Variants in RPS6KA5 observed in about 807,000 individuals in gnomAD.
RPS6KA5 encodes the protein ribosomal protein S6 kinase alpha-5.
Under a neutral mutation model 85.5 loss-of-function variants are expected in RPS6KA5, and 27 were observed. The ratio of observed to expected loss-of-function variants is 0.32; its 90% CI spans 0.23 to 0.44. The LOEUF (loss-of-function observed/expected upper bound fraction) is 0.44. Ranked by LOEUF, RPS6KA5 falls within the 20% of genes least tolerant of loss-of-function variation. RPS6KA5 has a pLI of 1.00. For missense variants in RPS6KA5, 811 were observed against 980.9 expected (o/e 0.83, Z 2.31); for synonymous variants, 334 against 348.2 (o/e 0.96, Z 0.46).
rs373756382 is a variant in RPS6KA5 at position 91,029,581 on chromosome 14, T to C, written c.104-28422A>G. On this transcript the variant is annotated intron_variant, in intron 1 of 16. Transcript: ENST00000614987. ...CCATTTACTAGCTATAATGTATACA[T>C]TCTCAAGCAAGTTACTTAACCTCTG... is the stretch of plus-strand genomic sequence containing the variant. Among the ~76,000 whole-genome samples the C allele has an allele frequency of 1.6e-4, 25 of 152,344 alleles. 1 individual carries two copies. The South Asian group carries it at 5.0e-3, about 30-fold the overall frequency.
At chr14:90,921,310 C>G (rs572505870) in intron 6 of RPS6KA5, among the ~76,000 whole-genome samples, 123 of 152,194 alleles carry the variant, frequency 8.1e-4, no homozygotes, top group African/African-American at 2.8e-3. Context: ...TTCCTCATGC[C>G]AGGCACTATG....
At chr14:90,945,238 T>C (rs1291159314) in intron 4 of RPS6KA5, among the ~76,000 whole-genome samples, 2 of 152,008 alleles carry the variant, frequency 1.3e-5, no homozygotes, top group African/African-American at 4.8e-5. Flanking sequence ...GGCAACAGAG[T>C]AAGACCCTGT....
chr14:90,895,063 A>G (rs1405250290), intron 12 of RPS6KA5, among the ~76,000 whole-genome samples: 2 of 152,234 alleles, frequency 1.3e-5, no homozygotes, highest in East Asian at 3.8e-4. Context: ...TAATGTGACA[A>G]TAATGTGAAG....
At chr14:90,941,827 C>T (rs1198016336) in intron 5 of RPS6KA5, among the ~76,000 whole-genome samples, 1 of 152,194 alleles carries the variant, frequency 6.6e-6, no homozygotes. Context: ...GCATGTCTAT[C>T]TTATCCCTTT....
Position 90,870,239 on chromosome 14 carries a change from A to T in RPS6KA5, c.*1835T>A, listed in dbSNP as rs2033012277. The stretch of plus-strand genomic sequence containing the variant: ...AATTATAAATATGGTCATTTTCTTG[A>T]TTACTAGAGATCTGTGCCTGATGGA... On this transcript the variant is annotated 3_prime_UTR_variant, in exon 17 of 17. Transcript: ENST00000614987. 1 of 152,154 alleles carries T rather than the reference A, an allele frequency of 6.6e-6. No homozygotes were observed. The highest frequency in any genetic ancestry group is 1.5e-5 in the Non-Finnish European group (1 of 68,018). The allele number at this position is 152,154 out of a possible 1,614,324, so 9.4% of individuals were successfully genotyped here.
chr14:91,049,457 T>C (rs1321787211), intron 1 of RPS6KA5, among the ~76,000 whole-genome samples: 1 of 151,714 alleles, frequency 6.6e-6, no homozygotes, highest in Non-Finnish European at 1.5e-5. Flanking sequence ...TACTAAAAAA[T>C]ACAAAAAATT....
At chr14:90,976,202 G>GAAA (rs5810526) in intron 3 of RPS6KA5, among the ~76,000 whole-genome samples, 5 of 109,064 alleles carry the variant, frequency 4.6e-5, no homozygotes, top group African/African-American at 6.7e-5. Flanking sequence ...TAAGAGAACA[G>GAAA]AAAAAAAAAA....
chr14:90,937,498 A>G (rs1319041218), intron 5 of RPS6KA5, among the ~76,000 whole-genome samples: 2 of 152,178 alleles, frequency 1.3e-5, no homozygotes, highest in South Asian at 4.1e-4. Flanking sequence ...CAGTGACAGA[A>G]ATGGTCAAAG....
At chr14:90,883,395 G>A (rs950245661) in intron 14 of RPS6KA5, among the ~76,000 whole-genome samples, 8 of 151,694 alleles carry the variant, frequency 5.3e-5, no homozygotes, top group African/African-American at 1.9e-4. Flanking sequence ...TCCTTCTTCT[G>A]CCTGCCAAAT....
At chr14:91,050,640 G>C (rs938322954) in intron 1 of RPS6KA5, among the ~76,000 whole-genome samples, 1 of 152,050 alleles carries the variant, frequency 6.6e-6, no homozygotes, top group African/African-American at 2.4e-5. Flanking sequence ...TGTTGGCCAG[G>C]CTGGTCTCAA....
chr14:90,912,132 C>T lies in RPS6KA5; in HGVS notation c.807-5833G>A, dbSNP rs537952894. Among the ~76,000 whole-genome samples the T allele has an allele frequency of 2.0e-5, 3 of 152,318 alleles. No homozygotes were observed. In the East Asian group the frequency reaches 5.8e-4, roughly 29 times the overall value. On this transcript the variant is annotated intron_variant, in intron 7 of 16. Transcript: ENST00000614987. The stretch of plus-strand genomic sequence containing the variant: ...TACCTAAAAGCACTCAGACATTTGT[C>T]AAAACTCCCTGATACTATGAATTTT...
At chr14:90,973,172 G>A (rs1216431327) in intron 3 of RPS6KA5, among the ~76,000 whole-genome samples, 1 of 152,226 alleles carries the variant, frequency 6.6e-6, no homozygotes, top group African/African-American at 2.4e-5. Flanking sequence ...TGGGTGTGGT[G>A]GCCCATGCCT....
At chr14:90,926,294 G>A (rs996011401) in intron 5 of RPS6KA5, among the ~76,000 whole-genome samples, 2 of 151,646 alleles carry the variant, frequency 1.3e-5, no homozygotes, top group African/African-American at 4.8e-5. Context: ...AGGAGGCTGA[G>A]GCAGGAGAAC....
intron 1 of RPS6KA5, among the ~76,000 whole-genome samples, chr14:91,054,227 G>A (rs557767722): frequency 6.6e-6 from 1 of 151,984 alleles, no homozygotes; most frequent in East Asian, 1.9e-4. Context: ...AACAGCTAAA[G>A]CCATAAACTC....
intron 1 of RPS6KA5, among the ~76,000 whole-genome samples, chr14:91,006,687 A>G (rs1481260289): frequency 6.6e-6 from 1 of 152,252 alleles, no homozygotes; most frequent in African/African-American, 2.4e-5. Context: ...TCTTTGTTAA[A>G]GAAACCTGAA....
chr14:91,052,100 T>C (rs1163210811), intron 1 of RPS6KA5, among the ~76,000 whole-genome samples: 1 of 151,874 alleles, frequency 6.6e-6, no homozygotes, highest in Non-Finnish European at 1.5e-5. Flanking sequence ...TCCCAGGTCA[T>C]ATAGCAAATT....
intron 14 of RPS6KA5, among the ~76,000 whole-genome samples, chr14:90,878,536 T>C (rs561626424): frequency 1.1e-4 from 16 of 152,316 alleles, no homozygotes; most frequent in South Asian, 4.1e-4. Context: ...TCTTCTAATA[T>C]CTATAGTGAA....
At chr14:90,882,122 CCTTT>C (rs2033881173) in intron 14 of RPS6KA5, among the ~76,000 whole-genome samples, 2 of 151,920 alleles carry the variant, frequency 1.3e-5, no homozygotes, top group Admixed American at 1.3e-4. Context: ...CATTTAAATT[CCTTT>C]CTTTTTTCTT....
intron 2 of RPS6KA5, among the ~76,000 whole-genome samples, chr14:90,997,688 C>A (rs1368725575): frequency 6.6e-6 from 1 of 152,116 alleles, no homozygotes; most frequent in Non-Finnish European, 1.5e-5. Flanking sequence ...TGTGGTATAT[C>A]TGTACAATGA....
Sources: allele counts gnomAD v4.1 joint callset (sites outside exome capture counted in the v4.1 genomes callset), GRCh38; gene constraint gnomAD v4.1.1; transcripts MANE v1.5; gene names NCBI Gene and HGNC (gene_info 2026-07-23, HGNC 2026-07-21).